HSDL1: variants seen among roughly 807,000 people sequenced by gnomAD.
HSDL1 encodes the protein hydroxysteroid dehydrogenase like 1.
Under a neutral mutation model 31.5 loss-of-function variants are expected in HSDL1, and 29 were observed. The observed-to-expected ratio is 0.92, with a 90% confidence interval of 0.69 to 1.26. The LOEUF is 1.26. Among genes scored for constraint, HSDL1 ranks in the 50% most tolerant of loss-of-function variants. HSDL1 has a pLI of 0.00. For missense variants in HSDL1, 503 were observed against 416.6 expected (o/e 1.21, Z -1.81); for synonymous variants, 222 against 155.2 (o/e 1.43, Z -3.20).
At chr16:84,131,361 G>A in intron 2 of HSDL1, 34 bp from the exon 3 acceptor site, 2 of 1,412,384 alleles carry the variant, frequency 1.4e-6, no homozygotes, top group Non-Finnish European at 2.0e-6. Flanking sequence ...GAGCCTCTTT[G>A]ATTAATAAAT....
chr16:84,143,907 G>A (rs2086800558), intron 1 of HSDL1, among the ~76,000 whole-genome samples: 2 of 152,066 alleles, frequency 1.3e-5, no homozygotes, highest in African/African-American at 4.8e-5. Context: ...GAAGGCTGAG[G>A]CAGGAGAATC....
chr16:84,141,318 AC>A (rs2086767556), intron 1 of HSDL1, among the ~76,000 whole-genome samples: 4 of 151,402 alleles, frequency 2.6e-5, no homozygotes, highest in Admixed American at 2.6e-4. Flanking sequence ...GTTCAGATAC[AC>A]CACGATTCAC....
intron 5 of HSDL1, 104 bp from the exon 6 acceptor site, chr16:84,124,832 C>A (rs2086587329): frequency 1.5e-6 from 1 of 680,984 alleles, no homozygotes. Context: ...ACAACAAATA[C>A]CCACCAATCA....
intron 5 of HSDL1, among the ~76,000 whole-genome samples, chr16:84,126,755 C>T (rs1019499778): frequency 1.5e-4 from 23 of 152,260 alleles, no homozygotes; most frequent in African/African-American, 4.6e-4. Flanking sequence ...CACACACTCA[C>T]GCACTTTGTG....
chr16:84,143,968 C>T (rs1597383605), intron 1 of HSDL1, among the ~76,000 whole-genome samples: 1 of 151,904 alleles, frequency 6.6e-6, no homozygotes, highest in East Asian at 1.9e-4. Flanking sequence ...GAGCTGAGAT[C>T]GCAGGCACCA....
At chr16:84,127,952 C>A (rs1037392431) in intron 5 of HSDL1, among the ~76,000 whole-genome samples, 3 of 150,300 alleles carry the variant, frequency 2.0e-5, no homozygotes, top group African/African-American at 4.9e-5. Context: ...ATCTCCTGAC[C>A]TCGTGATCCG....
At chr16:84,129,941 G>A (rs1222129450) in intron 4 of HSDL1, 45 bp downstream of exon 4, 4 of 1,570,418 alleles carry the variant, frequency 2.5e-6, no homozygotes, top group East Asian at 2.2e-5. Context: ...GTTAATAAAT[G>A]TTCTGTGGCA....
chr16:84,130,067 T>A lies in HSDL1; in HGVS notation c.585A>T (p.Arg195Ser). ...AGATCGTGACGATGGCACCTTTCTT[T>A]CTCTCCACCATTCCCGGTAACACAA... is the stretch of plus-strand genomic sequence containing the variant. ...VHVVLPGMVE[R>S]KKGAIVTISS... is the part of the protein sequence containing the mutation. The change falls in exon 4 of 6, where the codon AGA becomes AGT. Residue 195 changes from arginine (R) to serine (S), a missense_variant. Physicochemically the swap from Arg to Ser is moderately radical, Grantham distance 110. Transcript: ENST00000219439. 6.2e-7 allele frequency: 1 copy of A among 1,614,122 alleles called. No individual in the cohort carries two copies. Among genetic ancestry groups the A allele is most frequent in the Non-Finnish European group, 8.5e-7 (1 of 1,180,030 alleles).
At chr16:84,131,039 T>C (rs1215226795) in intron 3 of HSDL1, 63 bp downstream of exon 3, 23 of 1,286,372 alleles carry the variant, frequency 1.8e-5, no homozygotes, top group East Asian at 7.0e-5. Context: ...TTAAATTCAA[T>C]AGCTCCTTGA....
At chr16:84,125,253 A>G (rs2086594832) in intron 5 of HSDL1, 1 of 157,428 alleles carries the variant, frequency 6.4e-6, no homozygotes, top group Non-Finnish European at 1.4e-5. Flanking sequence ...ACAAATACCC[A>G]CCAATCAATC....
chr16:84,129,858 A>C, intron 4 of HSDL1, 83 bp from the exon 5 acceptor site: 2 of 1,421,506 alleles, frequency 1.4e-6, no homozygotes, highest in South Asian at 1.3e-5. Context: ...GCTTATTATC[A>C]ATTCAGGAAA....
intron 2 of HSDL1, among the ~76,000 whole-genome samples, chr16:84,133,059 G>T (rs2086683008): frequency 6.6e-6 from 1 of 151,318 alleles, no homozygotes; most frequent in Non-Finnish European, 1.5e-5. Flanking sequence ...GAAAGAATGG[G>T]GAATTCCCTC....
intron 1 of HSDL1, among the ~76,000 whole-genome samples, chr16:84,141,502 C>A (rs1471698063): frequency 6.6e-6 from 1 of 152,256 alleles, no homozygotes; most frequent in Non-Finnish European, 1.5e-5. Context: ...TTGTCCCCAT[C>A]TCCTGCACAC....
At position 84,124,642 on chromosome 16, in the gene HSDL1, G is replaced by A; in HGVS notation, c.981C>T (p.Ser327=). Residue 327 remains serine (S), a synonymous_variant, in exon 6 of 6, where the codon TCC becomes TCT. Transcript: ENST00000219439. The part of the protein sequence containing the change: ...LNRSLRKEAL[S]CTA ...TGGCCATCCAGACTCAGGCTGTGCA[G>A]GATAAGGCTTCCTTACGTAGTGAAC... 6.2e-7 allele frequency: 1 copy of A among 1,611,924 alleles called. No individual in the cohort carries two copies. Among genetic ancestry groups the A allele is most frequent in the East Asian group, 2.2e-5 (1 of 44,862 alleles).
intron 1 of HSDL1, among the ~76,000 whole-genome samples, chr16:84,141,441 C>T (rs2086768701): frequency 6.6e-6 from 1 of 152,208 alleles, no homozygotes; most frequent in African/African-American, 2.4e-5. Context: ...GGCACGTGCA[C>T]TGTTTCTGCT....
intron 3 of HSDL1, among the ~76,000 whole-genome samples, chr16:84,130,702 A>T (rs2151187032): frequency 6.6e-6 from 1 of 152,338 alleles, no homozygotes; most frequent in Admixed American, 6.5e-5. Context: ...TTGTTTTCAA[A>T]CTACTATCTG....
At chr16:84,142,170 C>T (rs777764943) in intron 1 of HSDL1, among the ~76,000 whole-genome samples, 1 of 152,142 alleles carries the variant, frequency 6.6e-6, no homozygotes, top group Non-Finnish European at 1.5e-5. Flanking sequence ...TCAAACCATT[C>T]ACCTGCCTTG....
Position 84,129,762 on chromosome 16 carries a change from T to C in HSDL1, c.680A>G (p.His227Arg). ...TTCATATTGCAAGGCTCTGCTGAAG[T>C]GGTCTAAATAAGCCTGTTGAGACAG... Reference protein sequence around the residue: ...AFSASKAYLDHFSRALQYEYA... With the variant: ...AFSASKAYLDRFSRALQYEYA... The change falls in exon 5 of 6, where the codon CAC becomes CGC. Residue 227 changes from histidine to arginine, a missense_variant. Transcript: ENST00000219439. 6.2e-7 allele frequency: 1 copy of C among 1,613,628 alleles called. No individual in the cohort carries two copies. Among genetic ancestry groups the C allele is most frequent in the Non-Finnish European group, 8.5e-7 (1 of 1,179,506 alleles).
In HSDL1 at chr16:84,122,682, T is replaced by C. The variant is rs1006989414; in HGVS notation, c.*1948A>G. The C allele has an allele frequency of 1.3e-5, 2 of 152,100 alleles. No homozygotes were observed. Among genetic ancestry groups the C allele is most frequent in the Non-Finnish European group, 2.9e-5 (2 of 68,008 alleles). The allele number at this position is 152,100 out of a possible 1,614,324, so 9.4% of individuals were successfully genotyped here. A position where few individuals can be genotyped will look rare whatever the true frequency, so the allele number is the denominator to read the frequency against. ...TTCCCACATTCTTAATGACACCCCA[T>C]CCACAGTGGTCCAATCAACTTTCAA... On this transcript the variant is annotated 3_prime_UTR_variant, in exon 6 of 6. Transcript: ENST00000219439.
Sources: gnomAD v4.1 joint callset for allele counts (sites outside exome capture counted in the v4.1 genomes callset) on GRCh38, gnomAD v4.1.1 for gene constraint, MANE v1.5 for transcripts, NCBI Gene and HGNC (gene_info 2026-07-23, HGNC 2026-07-21) for gene names.